Variants in THBS4 observed in about 807,000 individuals in gnomAD.
THBS4 encodes the protein thrombospondin-4.
THBS4 carries 90 observed loss-of-function variants against 115.7 expected under a neutral mutation model. The observed-to-expected ratio is 0.78, with a 90% confidence interval of 0.66 to 0.93. The LOEUF (loss-of-function observed/expected upper bound fraction) is 0.93. Ranked by LOEUF, THBS4 falls within the 40% of genes least tolerant of loss-of-function variation. The pLI is 0.00. For synonymous variants in THBS4, 460 were observed against 479.3 expected (o/e 0.96, Z 0.53); for missense variants, 1,087 against 1,232.7 (o/e 0.88, Z 1.77).
At chr5:80,048,610 T>C (rs1184329906) in intron 2 of THBS4, among the ~76,000 whole-genome samples, 1 of 150,464 alleles carries the variant, frequency 6.6e-6, no homozygotes, top group Non-Finnish European at 1.5e-5. Flanking sequence ...GCATAATTGC[T>C]GTGTTTCCTT....
At chr5:80,078,500 T>A (rs1374711507) in intron 17 of THBS4, among the ~76,000 whole-genome samples, 2 of 152,232 alleles carry the variant, frequency 1.3e-5, no homozygotes, top group Non-Finnish European at 2.9e-5. Flanking sequence ...CCAGGCAGTC[T>A]GACCCTAGAA....
At chr5:80,078,432 T>C (rs1344921828) in intron 17 of THBS4, among the ~76,000 whole-genome samples, 1 of 152,228 alleles carries the variant, frequency 6.6e-6, no homozygotes, top group Non-Finnish European at 1.5e-5. Context: ...TTCATGATTG[T>C]AGCAGCTTTA....
chr5:80,030,506 T>A (rs1832564469), upstream of THBS4, among the ~76,000 whole-genome samples: 1 of 152,170 alleles, frequency 6.6e-6, no homozygotes, highest in Admixed American at 6.5e-5. Context: ...TAGCTAGGAT[T>A]ACAGGTGCCC....
chr5:80,069,982 G>A (rs1335322011), intron 10 of THBS4, among the ~76,000 whole-genome samples: 1 of 152,152 alleles, frequency 6.6e-6, no homozygotes, highest in Non-Finnish European at 1.5e-5. Flanking sequence ...TCCCGTCCCA[G>A]GTCAGCTTTC....
At position 80,030,321 on chromosome 5, in the gene THBS4, T is replaced by C. The variant is rs556426876; in HGVS notation, n.178-9756T>C. ...CCCAAGCAATTCTGTCACCCCAGCC[T>C]CCCAAGTTCCTGGGGCCACAGGTGG... On this transcript the variant is annotated intron_variant and non_coding_transcript_variant, in intron 2 of 3. Transcript: ENST00000510218. 1.6e-3 allele frequency among the ~76,000 whole-genome samples: 243 copies of C among 152,194 alleles called. 1 individual carries two copies. Among genetic ancestry groups the C allele is most frequent in the African/African-American group, 5.6e-3 (232 of 41,516 alleles).
intron 2 of THBS4, 41 bp from the exon 3 acceptor site, chr5:80,055,744 G>A: frequency 1.3e-6 from 2 of 1,583,908 alleles, no homozygotes; most frequent in Non-Finnish European, 1.7e-6. Context: ...TTCCCCCTCT[G>A]CCACTTATCA....
chr5:80,058,089 G>A, intron 3 of THBS4, 117 bp from the exon 4 acceptor site: 1 of 697,046 alleles, frequency 1.4e-6, no homozygotes. Context: ...AATTATGTAA[G>A]ATGTCAGAGG....
rs1832692054 is a variant in THBS4, at chr5:80,035,613, G to A, written c.76G>A (p.Ala26Thr). ...GCGGTGGCTAGCGGCAGGCGCCCAG[G>A]CCACCCCCCAGGGTAAGTGGGTTCG... is the stretch of plus-strand genomic sequence containing the variant. ...LQRWLAAGAQATPQVFDLLPS... is the reference protein window; with the variant it reads ...LQRWLAAGAQTTPQVFDLLPS... The change falls in exon 1 of 22, where the codon GCC (alanine) becomes ACC (threonine). Residue 26 changes from alanine to threonine, a missense_variant. Ala to Thr is a moderately conservative substitution (Grantham distance 58, BLOSUM62 0). Coordinates refer to ENST00000350881, the MANE Select transcript of THBS4 (RefSeq NM_003248.6). This position sits in a 1 kb window ranked among gnomAD's most constrained non-coding sequence, Gnocchi z 4.6. 2 of 1,390,608 alleles carry A rather than the reference G, an allele frequency of 1.4e-6. No individual in the cohort carries two copies. Among genetic ancestry groups the A allele is most frequent in the East Asian group, 3.0e-5 (1 of 33,740 alleles). The allele number at this position is 1,390,608 out of a possible 1,614,324, so 86.1% of individuals were successfully genotyped here.
chr5:80,073,451 T>G, intron 15 of THBS4, 124 bp downstream of exon 15: 1 of 823,428 alleles, frequency 1.2e-6, no homozygotes, highest in Non-Finnish European at 1.9e-6. Flanking sequence ...TGGTGCAATC[T>G]CGGCTCACTG....
intron 5 of THBS4, 27 bp from the exon 6 acceptor site, chr5:80,059,413 C>A: frequency 6.2e-7 from 1 of 1,610,082 alleles, no homozygotes; most frequent in Non-Finnish European, 8.5e-7. Context: ...CCTTTTCAAT[C>A]CTTTTTTCCC....
chr5:79,993,800 A>G (rs1831736607), intron 1 of THBS4, among the ~76,000 whole-genome samples: 1 of 152,166 alleles, frequency 6.6e-6, no homozygotes, highest in Non-Finnish European at 1.5e-5. Flanking sequence ...TGCTGTTGGG[A>G]AAGATGAAAG....
chr5:79,995,260 A>ATT (rs1561286996), intron 1 of THBS4, among the ~76,000 whole-genome samples: 9 of 152,250 alleles, frequency 5.9e-5, no homozygotes, highest in African/African-American at 2.2e-4. Flanking sequence ...TTACATGGAC[A>ATT]TTATAAGAAG....
At chr5:80,040,045 C>T (rs762753944) in intron 1 of THBS4, 32 bp from the exon 2 acceptor site, 2 of 1,596,728 alleles carry the variant, frequency 1.3e-6, no homozygotes, top group South Asian at 1.1e-5. Context: ...TTGAATCTTT[C>T]ACTTATACCC....
intron 2 of THBS4, among the ~76,000 whole-genome samples, chr5:80,003,676 A>G (rs537531996): frequency 2.9e-4 from 44 of 152,376 alleles, no homozygotes; most frequent in African/African-American, 1.0e-3. Flanking sequence ...GAATGAACCT[A>G]AAGCAGCTCT....
At chr5:80,072,555 G>A (rs1580982464) in intron 14 of THBS4, 159 bp downstream of exon 14, 2 of 691,038 alleles carry the variant, frequency 2.9e-6, no homozygotes, top group East Asian at 2.5e-5. Flanking sequence ...CCTGAAGATG[G>A]TGGGATGAAC....
Position 80,035,619 on chromosome 5 carries a change from C to T in THBS4, c.82C>T (p.Pro28Ser). 1 of 1,379,464 alleles carries T rather than the reference C, an allele frequency of 7.2e-7. No homozygotes were observed. The highest frequency in any genetic ancestry group is 9.4e-7 in the Non-Finnish European group (1 of 1,065,416). 85.5% of individuals were successfully genotyped at this position (1,379,464 alleles called of 1,614,324 possible). A position where few individuals can be genotyped will look rare whatever the true frequency, so the allele number is the denominator to read the frequency against. ...GCTAGCGGCAGGCGCCCAGGCCACC[C>T]CCCAGGGTAAGTGGGTTCGGGTCGG... ...RWLAAGAQAT[P>S]QVFDLLPSSS... The change falls in exon 1 of 22, where the codon CCC becomes TCC. Residue 28 changes from proline (P) to serine (S), a missense_variant. Physicochemically the swap from Pro to Ser is moderately conservative, Grantham distance 74 (BLOSUM62 -1). Coordinates refer to ENST00000350881, the MANE Select transcript of THBS4 (RefSeq NM_003248.6). The surrounding 1 kb of genome is among the most constrained non-coding windows in gnomAD (Gnocchi z 4.6).
intron 19 of THBS4, 95 bp from the exon 20 acceptor site, chr5:80,079,810 C>T (rs1012859674): frequency 1.5e-6 from 2 of 1,333,474 alleles, no homozygotes; most frequent in Admixed American, 2.0e-5. Flanking sequence ...CGGATTATAA[C>T]CATGACTATA....
At chr5:80,042,012 T>G (rs1299248029) in intron 2 of THBS4, among the ~76,000 whole-genome samples, 2 of 152,238 alleles carry the variant, frequency 1.3e-5, no homozygotes, top group Admixed American at 1.3e-4. Context: ...TTTAACCCCT[T>G]CTTTTCTGTC....
At chr5:80,079,877 C>G (rs761990300) in intron 19 of THBS4, 28 bp from the exon 20 acceptor site, 1 of 1,611,694 alleles carries the variant, frequency 6.2e-7, no homozygotes. Flanking sequence ...GTGTCCTGTC[C>G]TAAAACCTTG....
Sources: allele counts gnomAD v4.1 joint callset (sites outside exome capture counted in the v4.1 genomes callset), GRCh38; gene constraint gnomAD v4.1.1; non-coding constraint Gnocchi (gnomAD v3.1); transcripts MANE v1.5; gene names NCBI Gene and HGNC (gene_info 2026-07-23, HGNC 2026-07-21).